The following MARCHF1 variants were observed in gnomAD, a reference collection of about 807,000 sequenced individuals.
MARCHF1 encodes membrane associated ring-CH-type finger 1.
MARCHF1 carries 40 observed loss-of-function variants against 54.2 expected under a neutral mutation model. The observed-to-expected ratio is 0.74, with a 90% CI of 0.57 to 0.96. The LOEUF (loss-of-function observed/expected upper bound fraction) is 0.96, where lower values mean the gene tolerates loss of function less well. Ranked by LOEUF, MARCHF1 falls within the 40% of genes least tolerant of loss-of-function variation. The probability of loss-of-function intolerance (pLI) is 0.00; values close to 1 mark genes in which losing one functional copy is unlikely to be tolerated. For missense variants in MARCHF1, 586 were observed against 656.5 expected (o/e 0.89, Z 1.17); for synonymous variants, 236 against 236.3 (o/e 1.00, Z 0.01).
chr4:163,974,453 G>A (rs1404554055), intron 3 of MARCHF1, among the ~76,000 whole-genome samples: 2 of 152,154 alleles, frequency 1.3e-5, no homozygotes, highest in Non-Finnish European at 2.9e-5. Context: ...AGAAATGCAG[G>A]TGAACAGACC....
intron 3 of MARCHF1, among the ~76,000 whole-genome samples, chr4:163,870,848 A>G (rs970680222): frequency 2.0e-5 from 3 of 152,136 alleles, no homozygotes; most frequent in African/African-American, 7.2e-5. Flanking sequence ...TGGAGGGAAG[A>G]GCATTGCCAG....
At chr4:163,893,290 C>T (rs957916050) in intron 3 of MARCHF1, among the ~76,000 whole-genome samples, 65 of 152,024 alleles carry the variant, frequency 4.3e-4, no homozygotes, top group African/African-American at 1.5e-3. Context: ...AGGCACCTGC[C>T]ACCACACCTG....
intron 3 of MARCHF1, among the ~76,000 whole-genome samples, chr4:163,944,037 G>C (rs1751972537): frequency 6.6e-6 from 1 of 151,296 alleles, no homozygotes; most frequent in Non-Finnish European, 1.5e-5. Context: ...ATGTGATCTC[G>C]CTCACTGCAA....
At chr4:163,845,613 C>A (rs2111145280) in intron 4 of MARCHF1, among the ~76,000 whole-genome samples, 1 of 152,120 alleles carries the variant, frequency 6.6e-6, no homozygotes, top group Non-Finnish European at 1.5e-5. Flanking sequence ...CAGAATTAAA[C>A]AACCCATAAG....
rs28802934 is a variant in MARCHF1, at chr4:164,034,172, G to A, written c.-247-45463C>T. Among the ~76,000 whole-genome samples, 1,078 of 152,098 alleles carry A rather than the reference G, an allele frequency of 7.1e-3. 16 individuals carry two copies. The highest frequency in any genetic ancestry group is 0.024 in the African/African-American group (1,017 of 41,522). ...CAGCCACAAAAAGGAATGAGATCAC[G>A]TGTTTGCAGGGACATGGATGAAGCT... On this transcript the variant is annotated intron_variant, in intron 2 of 9. Transcript: ENST00000514618.
At chr4:164,063,074 C>T (rs1028175086) in intron 2 of MARCHF1, among the ~76,000 whole-genome samples, 2 of 152,194 alleles carry the variant, frequency 1.3e-5, no homozygotes, top group African/African-American at 2.4e-5. Context: ...AGGCTGCAAA[C>T]AGATGTGCCG....
At chr4:164,289,951 T>C (rs1253535063) in intron 1 of MARCHF1, among the ~76,000 whole-genome samples, 4 of 151,944 alleles carry the variant, frequency 2.6e-5, no homozygotes, top group Non-Finnish European at 1.5e-5. Flanking sequence ...TTAATTATTC[T>C]ATGTCTTCAT....
In MARCHF1 at chr4:163,745,422, G is replaced by A. The variant is rs183111659; in HGVS notation, c.112-44559C>T. On this transcript the variant is annotated intron_variant, in intron 4 of 9. Coordinates refer to ENST00000514618, the MANE Select transcript of MARCHF1 (RefSeq NM_001394959.1). ...GCCACCATGCCCAGCCACCATGCTT[G>A]TTTTTTAAGGCACGTGTAGTAGGTA... 5.3e-5 allele frequency among the ~76,000 whole-genome samples: 8 copies of A among 152,078 alleles called. No homozygotes were observed. The East Asian group carries it at 1.6e-3, about 29-fold the overall frequency.
chr4:163,764,963 C>A (rs1746932451), intron 4 of MARCHF1, among the ~76,000 whole-genome samples: 1 of 152,106 alleles, frequency 6.6e-6, no homozygotes, highest in Non-Finnish European at 1.5e-5. Flanking sequence ...TATTCAGGCT[C>A]ATTACTTAAT....
chr4:163,737,931 A>AGC, intron 4 of MARCHF1, among the ~76,000 whole-genome samples: 1 of 76,630 alleles, frequency 1.3e-5, no homozygotes, highest in Admixed American at 1.3e-4. Flanking sequence ...AGGACTATAA[A>AGC]TCATGCTGCT....
chr4:163,598,755 T>G (rs1361407471), intron 7 of MARCHF1, among the ~76,000 whole-genome samples: 1 of 152,244 alleles, frequency 6.6e-6, no homozygotes, highest in Non-Finnish European at 1.5e-5. Flanking sequence ...AGGACCTTAC[T>G]ATACACTACT....
At chr4:164,256,140 T>G (rs1037376228) in intron 1 of MARCHF1, among the ~76,000 whole-genome samples, 3 of 151,310 alleles carry the variant, frequency 2.0e-5, no homozygotes, top group Admixed American at 6.6e-5. Context: ...AAAATAAAAA[T>G]AAAAGAAAAA....
intron 1 of MARCHF1, among the ~76,000 whole-genome samples, chr4:164,138,645 A>G (rs1012199263): frequency 6.6e-6 from 1 of 152,184 alleles, no homozygotes; most frequent in Non-Finnish European, 1.5e-5. Flanking sequence ...GTGCCAGCAG[A>G]AGCAAGTGTC....
At position 163,769,461 on chromosome 4, in the gene MARCHF1, A is replaced by T. The variant is rs537317361; in HGVS notation, c.112-68598T>A. On this transcript the variant is annotated intron_variant, in intron 4 of 9. Transcript: ENST00000514618. ...TATTTAATCTTAACAAGAAATCTAT[A>T]AGGTAGGTTCACACAGTTTTGTGAA... is the stretch of plus-strand genomic sequence containing the variant. Among the ~76,000 whole-genome samples, 3 of 152,272 alleles carry T rather than the reference A, an allele frequency of 2.0e-5. No individual in the cohort carries two copies. In the East Asian group the frequency reaches 5.8e-4, roughly 29 times the overall value.
intron 3 of MARCHF1, among the ~76,000 whole-genome samples, chr4:163,911,629 TGAA>T (rs1370997603): frequency 6.6e-6 from 1 of 152,154 alleles, no homozygotes; most frequent in Admixed American, 6.6e-5. Context: ...ATTCTTATGT[TGAA>T]GTCCTAACCG....
intron 4 of MARCHF1, among the ~76,000 whole-genome samples, chr4:163,720,351 T>C (rs1745405745): frequency 6.6e-6 from 1 of 152,222 alleles, no homozygotes; most frequent in South Asian, 2.1e-4. Flanking sequence ...TGTGTGATAT[T>C]ATTTCTGAGG....
chr4:164,347,208 T>A (rs965379985), intron 1 of MARCHF1, among the ~76,000 whole-genome samples: 1 of 152,222 alleles, frequency 6.6e-6, no homozygotes, highest in Admixed American at 6.5e-5. Flanking sequence ...AATGAAGAAG[T>A]GATGTGCTAT....
At chr4:164,225,574 A>G (rs1017316085) in intron 1 of MARCHF1, among the ~76,000 whole-genome samples, 9 of 152,064 alleles carry the variant, frequency 5.9e-5, no homozygotes, top group Non-Finnish European at 7.4e-5. Context: ...ACCAAATGGC[A>G]AAGTGCACCT....
At chr4:163,807,588 A>G (rs904607110) in intron 4 of MARCHF1, among the ~76,000 whole-genome samples, 2 of 152,150 alleles carry the variant, frequency 1.3e-5, no homozygotes, top group Non-Finnish European at 2.9e-5. Context: ...AAAATTTGGC[A>G]CATCCATTTA....
Sources: gnomAD v4.1 joint callset for allele counts (sites outside exome capture counted in the v4.1 genomes callset) on GRCh38, gnomAD v4.1.1 for gene constraint, MANE v1.5 for transcripts, NCBI Gene and HGNC (gene_info 2026-07-23, HGNC 2026-07-21) for gene names.